PGBD5: variants seen among roughly 807,000 people sequenced by gnomAD.
The protein encoded by PGBD5 is piggyBac transposable element-derived protein 5.
In PGBD5, 14 loss-of-function variants were observed where a neutral mutation model predicts 47.9. That is an observed-to-expected ratio of 0.29 (90% confidence interval 0.19 to 0.46). The LOEUF is 0.46. PGBD5 is among the 20% of genes least tolerant of loss of function. The pLI, the probability that PGBD5 is intolerant of heterozygous loss-of-function variation, is 1.00. For synonymous variants in PGBD5, 316 were observed against 306.3 expected, an observed-to-expected ratio of 1.03 and a Z score of -0.33; for missense variants, 635 against 716.0, an observed-to-expected ratio of 0.89 and a Z score of 1.29.
At chr1:230,375,067 T>C (rs1667990100) in intron 1 of PGBD5, among the ~76,000 whole-genome samples, 1 of 152,164 alleles carries the variant, frequency 6.6e-6, no homozygotes, top group Non-Finnish European at 1.5e-5. Flanking sequence ...AATTTCCCTC[T>C]TCCCTGACCT....
At chr1:230,424,690 C>T (rs1657732946) in intron 1 of PGBD5, among the ~76,000 whole-genome samples, 2 of 152,248 alleles carry the variant, frequency 1.3e-5, no homozygotes, top group South Asian at 2.1e-4. Context: ...TACGGAAGAA[C>T]ACAGCATGCA....
chr1:230,327,447 C>G lies in PGBD5; in HGVS notation c.1274-2032G>C, dbSNP rs12139590. 9.6e-3 allele frequency among the ~76,000 whole-genome samples: 1,456 copies of G among 152,286 alleles called. 8 individuals are homozygous for G. Among genetic ancestry groups the G allele is most frequent in the Non-Finnish European group, 0.015 (1,032 of 68,022 alleles). On this transcript the variant is annotated intron_variant, in intron 5 of 6. Transcript: ENST00000391860. ...GACTCTTTCCTTCTTTCCTCAGAAA[C>G]AGCAGCATTTCGCATGGAAGAAACA...
intron 1 of PGBD5, among the ~76,000 whole-genome samples, chr1:230,410,028 T>C (rs1657380887): frequency 6.6e-6 from 1 of 152,194 alleles, no homozygotes; most frequent in Admixed American, 6.6e-5. Context: ...AAATTTATGC[T>C]GTTCAAGAGA....
intron 1 of PGBD5, among the ~76,000 whole-genome samples, chr1:230,369,593 C>A (rs1398297175): frequency 6.6e-6 from 1 of 151,286 alleles, no homozygotes; most frequent in Non-Finnish European, 1.5e-5. Flanking sequence ...ATCTCTTCCC[C>A]CATCAGGCCC....
At chr1:230,368,481 T>C (rs78195395) in intron 1 of PGBD5, among the ~76,000 whole-genome samples, 3,160 of 152,366 alleles carry the variant, frequency 0.021, 93 homozygotes, top group African/African-American at 0.071. Flanking sequence ...GTCTGTCCTG[T>C]TCCTGGCTGC....
intron 2 of PGBD5, among the ~76,000 whole-genome samples, chr1:230,354,931 A>C (rs1464961062): frequency 6.6e-6 from 1 of 152,198 alleles, no homozygotes; most frequent in Non-Finnish European, 1.5e-5. Flanking sequence ...GAGCTGGAGG[A>C]GAGAGAGGAG....
chr1:230,419,135 T>C (rs1657590309), intron 1 of PGBD5, among the ~76,000 whole-genome samples: 2 of 152,096 alleles, frequency 1.3e-5, no homozygotes, highest in Non-Finnish European at 2.9e-5. Flanking sequence ...CTATTGACAA[T>C]AGCAAAGACA....
intron 1 of PGBD5, among the ~76,000 whole-genome samples, chr1:230,422,193 C>A (rs1010405088): frequency 6.6e-6 from 1 of 151,816 alleles, no homozygotes; most frequent in Non-Finnish European, 1.5e-5. Flanking sequence ...AGCTCAGATC[C>A]CAGCCAGCCA....
chr1:230,327,379 A>AG (rs1333849560), intron 5 of PGBD5, among the ~76,000 whole-genome samples: 1 of 152,172 alleles, frequency 6.6e-6, no homozygotes, highest in Non-Finnish European at 1.5e-5. Flanking sequence ...ACCGTGGCTG[A>AG]GGAGACCAGG....
chr1:230,330,675 G>C (rs1006992721), intron 5 of PGBD5, among the ~76,000 whole-genome samples: 11 of 152,200 alleles, frequency 7.2e-5, no homozygotes, highest in African/African-American at 2.4e-4. Context: ...CACCTGAAGT[G>C]CTCACTGAGC....
At position 230,332,236 on chromosome 1, in the gene PGBD5, C is replaced by T. The variant is rs530115251; in HGVS notation, c.1273+608G>A. Among the ~76,000 whole-genome samples, 7 of 152,332 alleles carry T rather than the reference C, an allele frequency of 4.6e-5. No individual in the cohort carries two copies. The South Asian group carries it at 1.5e-3, about 32-fold the overall frequency. ...TCCGTGTGAAGGCAGGGGAGGCTGC[C>T]CCCAAGCACAGCACAGCTGGGAACG... On this transcript the variant is annotated intron_variant, in intron 5 of 6. Transcript: ENST00000391860.
intron 4 of PGBD5, among the ~76,000 whole-genome samples, chr1:230,334,084 T>C (rs1667264953): frequency 6.6e-6 from 1 of 152,190 alleles, no homozygotes; most frequent in African/African-American, 2.4e-5. Flanking sequence ...ATGCATCTGC[T>C]TTCCTCATCC....
chr1:230,411,244 T>C (rs1657402180), intron 1 of PGBD5, among the ~76,000 whole-genome samples: 2 of 152,120 alleles, frequency 1.3e-5, no homozygotes, highest in Admixed American at 6.5e-5. Flanking sequence ...GATCGTGCCA[T>C]CGCACTCCAG....
intron 1 of PGBD5, among the ~76,000 whole-genome samples, chr1:230,388,183 TCA>T (rs1198978198): frequency 6.6e-6 from 1 of 152,068 alleles, no homozygotes; most frequent in Non-Finnish European, 1.5e-5. Context: ...TTTTAGAAGA[TCA>T]CAGACTTAGG....
At chr1:230,402,387 G>A (rs1464836588) in intron 1 of PGBD5, among the ~76,000 whole-genome samples, 1 of 152,218 alleles carries the variant, frequency 6.6e-6, no homozygotes, top group African/African-American at 2.4e-5. Context: ...TATCTCTACA[G>A]ACCCAAACAA....
At chr1:230,408,590 A>G (rs1157193488) in intron 1 of PGBD5, among the ~76,000 whole-genome samples, 1 of 152,218 alleles carries the variant, frequency 6.6e-6, no homozygotes, top group East Asian at 1.9e-4. Context: ...TTTTGACCAT[A>G]GGTGTCAAAA....
intron 1 of PGBD5, among the ~76,000 whole-genome samples, chr1:230,393,559 C>T (rs1278916634): frequency 1.3e-5 from 2 of 152,060 alleles, no homozygotes; most frequent in African/African-American, 2.4e-5. Flanking sequence ...AATAATAGGC[C>T]GGGCGCGGTG....
intron 3 of PGBD5, among the ~76,000 whole-genome samples, chr1:230,339,384 C>T (rs567342346): frequency 5.3e-5 from 8 of 152,252 alleles, no homozygotes; most frequent in African/African-American, 9.6e-5. Context: ...ATAAACTTTC[C>T]GGAGGGAAAT....
At chr1:230,355,378 G>A (rs1312769428) in intron 2 of PGBD5, among the ~76,000 whole-genome samples, 2 of 152,232 alleles carry the variant, frequency 1.3e-5, no homozygotes, top group Non-Finnish European at 2.9e-5. Flanking sequence ...GATACCTCTT[G>A]AGAGATACTT....
Sources: allele counts gnomAD v4.1 joint callset (sites outside exome capture counted in the v4.1 genomes callset), GRCh38; gene constraint gnomAD v4.1.1; transcripts MANE v1.5; gene names NCBI Gene and HGNC (gene_info 2026-07-23, HGNC 2026-07-21).